Variants in PRELID2 observed in about 807,000 individuals in gnomAD.
PRELID2 encodes PRELI domain-containing protein 2.
Under a neutral mutation model 28.4 loss-of-function variants are expected in PRELID2, and 25 were observed. The ratio of observed to expected loss-of-function variants is 0.88; its 90% CI spans 0.64 to 1.23. PRELID2 has a LOEUF of 1.23. Among genes scored for constraint, PRELID2 ranks in the 50% most tolerant of loss-of-function variants. The pLI, the probability that PRELID2 is intolerant of heterozygous loss-of-function variation, is 0.00. For missense variants in PRELID2, 201 were observed against 214.4 expected, an observed-to-expected ratio of 0.94 and a Z score of 0.39; for synonymous variants, 76 against 71.6, an observed-to-expected ratio of 1.06 and a Z score of -0.31.
the PRELID2 span, among the ~76,000 whole-genome samples, chr5:145,286,739 T>A: frequency 3.7e-5 from 5 of 133,790 alleles, no homozygotes; most frequent in African/African-American, 8.2e-5. Flanking sequence ...TTTTTTTTTT[T>A]GAGACGAAGT....
chr5:145,660,668 T>C (rs1754476063), intron 1 of PRELID2, among the ~76,000 whole-genome samples: 1 of 152,202 alleles, frequency 6.6e-6, no homozygotes, highest in Admixed American at 6.5e-5. Context: ...TTTAGTGTTA[T>C]ACTGTCAACT....
At chr5:145,328,524 C>T in the PRELID2 span, among the ~76,000 whole-genome samples, 1 of 152,190 alleles carries the variant, frequency 6.6e-6, no homozygotes, top group Admixed American at 6.5e-5. Context: ...TTTGCTTTCT[C>T]TAATGACCAG....
the PRELID2 span, among the ~76,000 whole-genome samples, chr5:145,250,825 C>A: frequency 1.2e-4 from 19 of 152,168 alleles, no homozygotes; most frequent in African/African-American, 4.3e-4. Flanking sequence ...ATGTTAATGG[C>A]AATCACTTTT....
intron 1 of PRELID2, among the ~76,000 whole-genome samples, chr5:145,678,492 A>G (rs17479816): frequency 0.047 from 7,112 of 152,296 alleles, 224 homozygotes; most frequent in Non-Finnish European, 0.068. Flanking sequence ...GACTGATTAT[A>G]GTGCTTTCCC....
At chr5:145,313,847 A>G in the PRELID2 span, among the ~76,000 whole-genome samples, 98 of 152,328 alleles carry the variant, frequency 6.4e-4, no homozygotes, top group African/African-American at 2.3e-3. Flanking sequence ...ACAAAATAAC[A>G]TAAGGAAATA....
the PRELID2 span, among the ~76,000 whole-genome samples, chr5:145,255,786 C>T: frequency 6.7e-6 from 1 of 149,546 alleles, no homozygotes; most frequent in African/African-American, 2.5e-5. Flanking sequence ...GTCTCAAAAA[C>T]TATATATATA....
Position 145,605,108 on chromosome 5 carries a change from C to A in PRELID2, n.71-131793G>T, listed in dbSNP as rs552707218. On this transcript the variant is annotated intron_variant and non_coding_transcript_variant, in intron 1 of 2. Coordinates refer to the PRELID2 transcript ENST00000510259. ...GGTGCATAGTTTACAAATATTTTCT[C>A]CCATTTTATGGGTTGTCAGTTTACT... is the stretch of plus-strand genomic sequence containing the variant. Among the ~76,000 whole-genome samples, 57 of 151,710 alleles carry A rather than the reference C, an allele frequency of 3.8e-4. No homozygotes were observed. In the South Asian group the frequency reaches 9.2e-3, roughly 24 times the overall value.
At chr5:145,775,429 T>C (rs1758352281) in intron 5 of PRELID2, among the ~76,000 whole-genome samples, 1 of 152,220 alleles carries the variant, frequency 6.6e-6, no homozygotes, top group Admixed American at 6.5e-5. Context: ...TCTGCGTGGT[T>C]TTAATTTTAT....
chr5:145,245,463 A>C, the PRELID2 span, among the ~76,000 whole-genome samples: 12,696 of 151,900 alleles, frequency 0.084, 1,156 homozygotes, highest in African/African-American at 0.23. Context: ...AAAACATTAC[A>C]CTTGGTTTTG....
At chr5:145,719,611 A>G (rs1168695846) in intron 1 of PRELID2, among the ~76,000 whole-genome samples, 1 of 152,050 alleles carries the variant, frequency 6.6e-6, no homozygotes, top group Non-Finnish European at 1.5e-5. Context: ...ACACAGATAG[A>G]AGAGGGATCT....
intron 6 of PRELID2, among the ~76,000 whole-genome samples, chr5:145,764,445 A>T (rs963846878): frequency 1.3e-5 from 2 of 152,216 alleles, no homozygotes; most frequent in Non-Finnish European, 2.9e-5. Flanking sequence ...AGACTTCAGA[A>T]TCCCTTTCAA....
At chr5:145,801,693 G>A (rs555719576) in intron 4 of PRELID2, among the ~76,000 whole-genome samples, 1 of 152,266 alleles carries the variant, frequency 6.6e-6, no homozygotes, top group African/African-American at 2.4e-5. Flanking sequence ...ATGTCATGAG[G>A]ATTCATTAGC....
rs186055934 is a variant in PRELID2, at chr5:145,512,295, C to A, written n.71-38980G>T. 3.9e-5 allele frequency among the ~76,000 whole-genome samples: 6 copies of A among 152,240 alleles called. No homozygotes were observed. In the South Asian group the frequency reaches 1.0e-3, roughly 26 times the overall value. On this transcript the variant is annotated intron_variant and non_coding_transcript_variant, in intron 1 of 2. Transcript: ENST00000510259. ...ACTGGTTAGACAGTGGGTGCAGCCC[C>A]CAGAGTGAGAGCCAAAGCAGGGTGG...
chr5:145,400,716 C>T, the PRELID2 span, among the ~76,000 whole-genome samples: 1 of 152,054 alleles, frequency 6.6e-6, no homozygotes, highest in Admixed American at 6.6e-5. Flanking sequence ...TTTCTTTGGA[C>T]CATCTGATGC....
At position 145,829,057 on chromosome 5, in the gene PRELID2, T is replaced by TTGG. The variant is rs879147587; in HGVS notation, c.76-5926_76-5924dup. Among the ~76,000 whole-genome samples, 381 of 148,984 alleles carry TTGG rather than the reference T, an allele frequency of 2.6e-3. 2 individuals carry two copies. Among genetic ancestry groups the TTGG allele is most frequent in the African/African-American group, 8.5e-3 (344 of 40,672 alleles). On this transcript the variant is annotated intron_variant, in intron 1 of 6. Coordinates refer to ENST00000683046, the MANE Select transcript of PRELID2 (RefSeq NM_205846.3). ...TGTGTGGTTTGGGGTTTTGTTGTTG[T>TTGG]TGGTGGTGGTGGTGGTGGTGGTGGT...
chr5:145,811,980 C>T (rs1479144679), intron 4 of PRELID2, among the ~76,000 whole-genome samples: 2 of 152,178 alleles, frequency 1.3e-5, no homozygotes, highest in African/African-American at 4.8e-5. Flanking sequence ...GCCTACCCAT[C>T]CCCCATGCAG....
In PRELID2 at chr5:145,781,656, T is replaced by C. The variant is rs1751614410; in HGVS notation, c.474+14786A>G. The stretch of plus-strand genomic sequence containing the variant: ...ATACACACTATATATATACTATATA[T>C]ACACACTATATATATACACTTATAT... On this transcript the variant is annotated intron_variant, in intron 5 of 6. Coordinates refer to ENST00000683046, the MANE Select transcript of PRELID2 (RefSeq NM_205846.3). Among the ~76,000 whole-genome samples, 3 of 146,666 alleles carry C rather than the reference T, an allele frequency of 2.0e-5. No homozygotes were observed. In the Admixed American group the frequency reaches 2.1e-4, roughly 10 times the overall value.
intron 1 of PRELID2, among the ~76,000 whole-genome samples, chr5:145,569,737 G>A (rs879700794): frequency 5.3e-5 from 8 of 152,138 alleles, no homozygotes; most frequent in Non-Finnish European, 7.4e-5. Flanking sequence ...TAGACATTTT[G>A]TCAGGCAACA....
the PRELID2 span, among the ~76,000 whole-genome samples, chr5:145,406,828 G>T: frequency 6.6e-6 from 1 of 152,174 alleles, no homozygotes; most frequent in Non-Finnish European, 1.5e-5. Flanking sequence ...GACCACAGGA[G>T]AAAGATTTAA....
Sources: gnomAD v4.1 joint callset for allele counts (sites outside exome capture counted in the v4.1 genomes callset) on GRCh38, gnomAD v4.1.1 for gene constraint, MANE v1.5 for transcripts, NCBI Gene and HGNC (gene_info 2026-07-23, HGNC 2026-07-21) for gene names.